The following SHC3 variants were observed in gnomAD, a reference collection of about 807,000 sequenced individuals.
SHC3 encodes the protein SHC adaptor protein 3.
SHC3 carries 15 observed loss-of-function variants against 60.4 expected under a neutral mutation model. The observed-to-expected ratio is 0.25, with a 90% CI of 0.17 to 0.38. The LOEUF (loss-of-function observed/expected upper bound fraction) is 0.38, where lower values mean the gene tolerates loss of function less well. Among genes scored for constraint, SHC3 ranks in the 10% least tolerant of loss-of-function variants. The probability of loss-of-function intolerance (pLI) is 1.00; values close to 1 mark genes in which losing one functional copy is unlikely to be tolerated. For synonymous variants in SHC3, 294 were observed against 325.9 expected (o/e 0.90, Z 1.05); for missense variants, 677 against 786.1 (o/e 0.86, Z 1.66).
At chr9:89,140,792 A>AATGG (rs1429741889) in intron 1 of SHC3, among the ~76,000 whole-genome samples, 1 of 152,078 alleles carries the variant, frequency 6.6e-6, no homozygotes, top group Non-Finnish European at 1.5e-5. Flanking sequence ...GGCTGTTAGT[A>AATGG]ATTATCTCAG....
In SHC3 at chr9:89,103,249, G is replaced by T. The variant is rs546554848; in HGVS notation, c.545+9307C>A. ...AGGAGAGAGAGAGACGGGAAAAAGA[G>T]AAATGACAAGGGAGCTTCTGAGGGA... On this transcript the variant is annotated intron_variant, in intron 2 of 11. Transcript: ENST00000375835. Among the ~76,000 whole-genome samples, 12 of 152,222 alleles carry T rather than the reference G, an allele frequency of 7.9e-5. No individual in the cohort carries two copies. In the South Asian group the frequency reaches 2.5e-3, roughly 32 times the overall value.
At chr9:89,093,832 G>A (rs1440615489) in intron 2 of SHC3, among the ~76,000 whole-genome samples, 4 of 152,038 alleles carry the variant, frequency 2.6e-5, no homozygotes, top group Non-Finnish European at 4.4e-5. Context: ...GGTCGGGCGC[G>A]GTGGCTCATG....
intron 9 of SHC3, among the ~76,000 whole-genome samples, chr9:89,045,148 G>T (rs1365553346): frequency 1.3e-5 from 2 of 152,136 alleles, no homozygotes; most frequent in African/African-American, 4.8e-5. Context: ...CCTGGGCATG[G>T]AAGCTCTCCC....
At chr9:89,162,975 C>A (rs1826732571) in intron 1 of SHC3, among the ~76,000 whole-genome samples, 1 of 136,380 alleles carries the variant, frequency 7.3e-6, no homozygotes, top group African/African-American at 2.8e-5. Context: ...TTTATGCAGC[C>A]AAAAAACACA....
In SHC3 at chr9:89,032,380, C is replaced by T. The variant is rs551483997; in HGVS notation, c.1656+5613G>A. Among the ~76,000 whole-genome samples, 8 of 152,288 alleles carry T rather than the reference C, an allele frequency of 5.3e-5. No homozygotes were observed. In the South Asian group the frequency reaches 8.3e-4, roughly 16 times the overall value. ...CAATGACCAGACACCATGTGAATCA[C>T]GCCCACAGGAAACCCACCCACCAGC... On this transcript the variant is annotated intron_variant, in intron 11 of 11. Coordinates refer to ENST00000375835, the MANE Select transcript of SHC3 (RefSeq NM_016848.6).
intron 2 of SHC3, among the ~76,000 whole-genome samples, chr9:89,110,850 C>A (rs1210731287): frequency 6.6e-6 from 1 of 152,220 alleles, no homozygotes; most frequent in Non-Finnish European, 1.5e-5. Flanking sequence ...GACATCAAAA[C>A]CTCCAAACCC....
intron 2 of SHC3, among the ~76,000 whole-genome samples, chr9:89,099,389 T>G (rs1825750973): frequency 6.6e-6 from 1 of 152,240 alleles, no homozygotes; most frequent in African/African-American, 2.4e-5. Flanking sequence ...TCTGAACCCT[T>G]TGATTCAGAA....
intron 2 of SHC3, among the ~76,000 whole-genome samples, chr9:89,081,208 T>C (rs1825439695): frequency 6.6e-6 from 1 of 152,174 alleles, no homozygotes; most frequent in Non-Finnish European, 1.5e-5. Context: ...ACAAAGTAAT[T>C]GTCTTAATAA....
chr9:89,154,015 G>A (rs1826585384), intron 1 of SHC3, among the ~76,000 whole-genome samples: 1 of 152,082 alleles, frequency 6.6e-6, no homozygotes, highest in African/African-American at 2.4e-5. Context: ...TTGAGGTGCA[G>A]GTGCACCTCC....
At chr9:89,051,628 G>A (rs553312942) in intron 7 of SHC3, among the ~76,000 whole-genome samples, 14 of 152,184 alleles carry the variant, frequency 9.2e-5, no homozygotes, top group African/African-American at 3.4e-4. Flanking sequence ...AGTGCCTCAC[G>A]GAGGGGACCT....
rs551156922 is a variant in SHC3, at chr9:89,083,014, C to A, written c.546-5111G>T. Among the ~76,000 whole-genome samples the A allele has an allele frequency of 3.9e-5, 6 of 152,338 alleles. 1 individual carries two copies. Among genetic ancestry groups the A allele is most frequent in the Admixed American group, 3.3e-4 (5 of 15,308 alleles). On this transcript the variant is annotated intron_variant, in intron 2 of 11. Transcript: ENST00000375835. The stretch of plus-strand genomic sequence containing the variant: ...CCCACCAATAATATTTCTCTCCAGC[C>A]TTCCCAGGACAGAAAACAGCACCGT...
intron 1 of SHC3, among the ~76,000 whole-genome samples, chr9:89,137,782 T>C (rs1826339040): frequency 6.6e-6 from 1 of 152,034 alleles, no homozygotes; most frequent in Non-Finnish European, 1.5e-5. Context: ...ATCAGAGTCA[T>C]CAGAAGAGCT....
chr9:89,107,895 A>AT (rs796466708), intron 2 of SHC3, among the ~76,000 whole-genome samples: 2 of 152,328 alleles, frequency 1.3e-5, no homozygotes, highest in African/African-American at 4.8e-5. Context: ...TGAAAAAGGA[A>AT]TTCTGAAATA....
At chr9:89,035,854 T>TATATATATA (rs1376173933) in intron 11 of SHC3, among the ~76,000 whole-genome samples, 1 of 73,862 alleles carries the variant, frequency 1.4e-5, no homozygotes, top group Non-Finnish European at 3.0e-5. Context: ...TATATAGATG[T>TATATATATA]GTGTGTGTGT....
chr9:89,009,424 C>A lies in SHC3; in HGVS notation c.*4023G>T, dbSNP rs932106588. On this transcript the variant is annotated 3_prime_UTR_variant, in exon 12 of 12. Coordinates refer to ENST00000375835, the MANE Select transcript of SHC3 (RefSeq NM_016848.6). ...CACTCACTCCCAATCCTACTGTCAC[C>A]GTCCACAGAAAGGGATTTATGGACA... 2 of 152,208 alleles carry A rather than the reference C, an allele frequency of 1.3e-5. No homozygotes were observed. The highest frequency in any genetic ancestry group is 4.8e-5 in the African/African-American group (2 of 41,450). The allele number at this position is 152,208 out of a possible 1,614,324, so 9.4% of individuals were successfully genotyped here. A position where few individuals can be genotyped will look rare whatever the true frequency, so the allele number is the denominator to read the frequency against.
chr9:89,044,986 C>A (rs1824748401), intron 9 of SHC3, among the ~76,000 whole-genome samples: 1 of 152,104 alleles, frequency 6.6e-6, no homozygotes, highest in South Asian at 2.1e-4. Flanking sequence ...TGAAGCTGAC[C>A]CTGAGTAAAG....
At position 89,053,432 on chromosome 9, in the gene SHC3, C is replaced by A. The variant is rs534531093; in HGVS notation, c.836-1269G>T. Reference sequence around the variant, plus strand: ...CAGGGAGGGGACAGAGAGACAGACACGGATGCCTCTGCACAGTGTGGAGCC... The same window carrying A: ...CAGGGAGGGGACAGAGAGACAGACAAGGATGCCTCTGCACAGTGTGGAGCC... On this transcript the variant is annotated intron_variant, in intron 6 of 11. Transcript: ENST00000375835. Among the ~76,000 whole-genome samples the A allele has an allele frequency of 2.6e-5, 4 of 152,318 alleles. No homozygotes were observed. In the South Asian group the frequency reaches 8.3e-4, roughly 32 times the overall value.
At chr9:89,124,714 G>A (rs1434038342) in intron 1 of SHC3, among the ~76,000 whole-genome samples, 1 of 152,010 alleles carries the variant, frequency 6.6e-6, no homozygotes, top group South Asian at 2.1e-4. Context: ...GAAGGAGAGC[G>A]TTAGGACAAA....
chr9:89,043,969 A>T (rs1304202616), intron 9 of SHC3, among the ~76,000 whole-genome samples: 1 of 152,158 alleles, frequency 6.6e-6, no homozygotes, highest in African/African-American at 2.4e-5. Flanking sequence ...ATTGTTTTCA[A>T]AGAAGAGCTG....
Sources: gnomAD v4.1 joint callset for allele counts (sites outside exome capture counted in the v4.1 genomes callset) on GRCh38, gnomAD v4.1.1 for gene constraint, MANE v1.5 for transcripts, NCBI Gene and HGNC (gene_info 2026-07-23, HGNC 2026-07-21) for gene names.